Variants in C21orf58 observed in about 807,000 individuals in gnomAD.
C21orf58 encodes the protein uncharacterized protein C21orf58.
Under a neutral mutation model 35.8 loss-of-function variants are expected in C21orf58, and 34 were observed. That is an observed-to-expected ratio of 0.95 (90% CI 0.72 to 1.26). The LOEUF (loss-of-function observed/expected upper bound fraction) is 1.26, where lower values mean the gene tolerates loss of function less well. Ranked by LOEUF, C21orf58 falls within the 50% of genes most tolerant of loss-of-function variation. The pLI is 0.00. For synonymous variants in C21orf58, 191 were observed against 175.8 expected (o/e 1.09, Z -0.68); for missense variants, 440 against 414.3 (o/e 1.06, Z -0.54).
In C21orf58 at chr21:46,302,679, T is replaced by C. The variant is rs1169445960; in HGVS notation, c.722-103A>G. ...CCAGAGAACAGGTGTGTCTGTACACTGTGCAGGTCCCCGGGGCAGGCTCTG... is the reference window on the plus strand; with the variant it reads ...CCAGAGAACAGGTGTGTCTGTACACCGTGCAGGTCCCCGGGGCAGGCTCTG... On this transcript the variant is annotated intron_variant, in intron 6 of 7. Coordinates refer to ENST00000291691, the MANE Select transcript of C21orf58 (RefSeq NM_058180.5). 3 of 900,290 alleles carry C rather than the reference T, an allele frequency of 3.3e-6. 1 individual carries two copies. The highest frequency in any genetic ancestry group is 5.2e-6 in the Non-Finnish European group (3 of 571,472). 55.8% of individuals were successfully genotyped at this position (900,290 alleles called of 1,614,324 possible).
intron 6 of C21orf58, among the ~76,000 whole-genome samples, chr21:46,306,251 G>A (rs1311213458): frequency 1.3e-5 from 2 of 152,046 alleles, no homozygotes; most frequent in African/African-American, 4.8e-5. Flanking sequence ...GCTCACGCCT[G>A]TAATCCCAGC....
intron 1 of C21orf58, chr21:46,322,339 G>A (rs2083195404): frequency 1.8e-6 from 1 of 546,830 alleles, no homozygotes; most frequent in African/African-American, 2.1e-5. Flanking sequence ...AACATTAGCA[G>A]AACCTCTCTA....
At chr21:46,304,020 G>GTTT (rs34586952) in intron 6 of C21orf58, among the ~76,000 whole-genome samples, 27 of 44,604 alleles carry the variant, frequency 6.1e-4, no homozygotes, top group African/African-American at 9.7e-4. Context: ...CAAAGTGCTG[G>GTTT]TTTTTTTTTT....
At chr21:46,304,199 T>A (rs563762018) in intron 6 of C21orf58, among the ~76,000 whole-genome samples, 2 of 150,498 alleles carry the variant, frequency 1.3e-5, no homozygotes, top group South Asian at 4.2e-4. Flanking sequence ...GCTAATTTTG[T>A]TTTTGTATTT....
intron 6 of C21orf58, among the ~76,000 whole-genome samples, chr21:46,306,484 C>T (rs900650151): frequency 3.3e-5 from 5 of 151,964 alleles, no homozygotes; most frequent in African/African-American, 7.3e-5. Context: ...GGCAACAGAG[C>T]GACACTCCCA....
chr21:46,317,605 C>T (rs970250207), intron 2 of C21orf58, among the ~76,000 whole-genome samples: 12 of 152,260 alleles, frequency 7.9e-5, no homozygotes, highest in South Asian at 2.1e-4. Context: ...GATCACCCCC[C>T]ACCTGAACCC....
intron 4 of C21orf58, 28 bp from the exon 5 acceptor site, chr21:46,314,908 C>G: frequency 1.9e-6 from 3 of 1,550,394 alleles, no homozygotes; most frequent in Non-Finnish European, 2.6e-6. Flanking sequence ...AGCTGCTGCA[C>G]ACGGGGACGG....
intron 1 of C21orf58, among the ~76,000 whole-genome samples, chr21:46,319,703 C>A (rs557192619): frequency 6.6e-6 from 1 of 151,924 alleles, no homozygotes; most frequent in African/African-American, 2.4e-5. Flanking sequence ...TCGAGACAAC[C>A]TGGCCAACAT....
At chr21:46,306,619 ACT>A (rs1387194898) in intron 6 of C21orf58, among the ~76,000 whole-genome samples, 1 of 151,988 alleles carries the variant, frequency 6.6e-6, no homozygotes, top group East Asian at 1.9e-4. Flanking sequence ...ACAGGGTTTC[ACT>A]CTCTTGCCCA....
At chr21:46,310,294 T>G (rs149488778) in intron 6 of C21orf58, among the ~76,000 whole-genome samples, 1 of 151,628 alleles carries the variant, frequency 6.6e-6, no homozygotes, top group Admixed American at 6.6e-5. Context: ...CTGGCCAACA[T>G]AGTGAAACCC....
At chr21:46,322,414 CCT>C (rs2083199666) in intron 1 of C21orf58, 7 of 984,560 alleles carry the variant, frequency 7.1e-6, no homozygotes, top group Non-Finnish European at 8.4e-6. Context: ...GGGCACATCC[CCT>C]CAGTCCCACA....
At position 46,318,400 on chromosome 21, in the gene C21orf58, T is replaced by C. The variant is rs1461162297; in HGVS notation, c.101-180A>G. On this transcript the variant is annotated intron_variant, in intron 1 of 7. Transcript: ENST00000291691. ...ACCGGTAAACACTCATCCCCAGGTGTGGCCAGCTGGGCTTCATGGGAAGGC... is the reference window on the plus strand; with the variant it reads ...ACCGGTAAACACTCATCCCCAGGTGCGGCCAGCTGGGCTTCATGGGAAGGC... 2.8e-6 allele frequency: 4 copies of C among 1,432,656 alleles called. No homozygotes were observed. The Admixed American group carries it at 1.1e-4, about 40-fold the overall frequency. 88.7% of individuals were successfully genotyped at this position (1,432,656 alleles called of 1,614,324 possible). A position where few individuals can be genotyped will look rare whatever the true frequency, so the allele number is the denominator to read the frequency against.
chr21:46,302,495 G>T lies in C21orf58; in HGVS notation c.803C>A (p.Pro268Gln). ...LQNWMLKALP[P>Q]ALQDPPHVPP... ...GGGGGCTAAGCCTACCTGCAGGGCT[G>T]GGGGCAGGGCCTTGAGCATCCAGTT... is the stretch of plus-strand genomic sequence containing the variant. The change falls in exon 7 of 8, where the codon CCA becomes CAA. Residue 268 changes from proline (P) to glutamine (Q), a missense_variant. Coordinates refer to ENST00000291691, the MANE Select transcript of C21orf58 (RefSeq NM_058180.5). The T allele has an allele frequency of 6.2e-7, 1 of 1,609,036 alleles. No homozygotes were observed. Among genetic ancestry groups the T allele is most frequent in the Non-Finnish European group, 8.5e-7 (1 of 1,176,812 alleles).
chr21:46,316,759 C>G (rs1183045943), intron 3 of C21orf58, among the ~76,000 whole-genome samples: 3 of 152,226 alleles, frequency 2.0e-5, no homozygotes, highest in Non-Finnish European at 4.4e-5. Context: ...GCTGAGCCCC[C>G]ACAGCTCACA....
At chr21:46,318,963 T>C (rs1002317498) in intron 1 of C21orf58, 6 of 598,004 alleles carry the variant, frequency 1.0e-5, no homozygotes, top group African/African-American at 2.0e-5. Flanking sequence ...GGCCCAGACC[T>C]GTGGACCCGA....
At chr21:46,313,533 T>G (rs1569130782) in intron 5 of C21orf58, among the ~76,000 whole-genome samples, 1 of 152,108 alleles carries the variant, frequency 6.6e-6, no homozygotes, top group African/African-American at 2.4e-5. Flanking sequence ...GGGCTGAGAG[T>G]GAAACCTGCA....
At position 46,301,213 on chromosome 21, in the gene C21orf58, C is replaced by T. The variant is rs2082096004; in HGVS notation, c.*786G>A. The T allele has an allele frequency of 5.0e-6, 2 of 402,148 alleles. No homozygotes were observed. Among genetic ancestry groups the T allele is most frequent in the African/African-American group, 2.2e-5 (1 of 45,920 alleles). 24.9% of individuals were successfully genotyped at this position (402,148 alleles called of 1,614,324 possible). A position where few individuals can be genotyped will look rare whatever the true frequency, so the allele number is the denominator to read the frequency against. Reference sequence around the variant, plus strand: ...CTATAGTGCAGTGGTTCCATCAGAGCTCACTGCAGCTTCTAACTCCTGGGC... The same window carrying T: ...CTATAGTGCAGTGGTTCCATCAGAGTTCACTGCAGCTTCTAACTCCTGGGC... On this transcript the variant is annotated 3_prime_UTR_variant, in exon 8 of 8. Transcript: ENST00000291691.
Position 46,314,771 on chromosome 21 carries a change from G to T in C21orf58, c.554C>A (p.Pro185His), listed in dbSNP as rs754673335. Residue 185 changes from proline (P) to histidine (H), a missense_variant, in exon 5 of 8, where the codon CCC (proline) becomes CAC (histidine). Pro to His is a moderately conservative substitution (Grantham distance 77). Coordinates refer to ENST00000291691, the MANE Select transcript of C21orf58 (RefSeq NM_058180.5). ...PPELPPTGIL[P>H]TASPSPLAPD... ...GGCCAGCGGGGATGGGGAGGCAGTG[G>T]GTAGGATGCCCGTGGGGGGCAGCTC... The T allele has an allele frequency of 9.9e-6, 15 of 1,520,784 alleles. No homozygotes were observed. The highest frequency in any genetic ancestry group is 1.2e-5 in the Non-Finnish European group (14 of 1,127,730). The allele number at this position is 1,520,784 out of a possible 1,614,324, so 94.2% of individuals were successfully genotyped here.
At position 46,322,878 on chromosome 21, in the gene C21orf58, G is replaced by GC; in HGVS notation, c.-141dup. 1.8e-6 allele frequency: 1 copy of GC among 550,394 alleles called. No individual in the cohort carries two copies. 34.1% of individuals were successfully genotyped at this position (550,394 alleles called of 1,614,324 possible). On this transcript the variant is annotated 5_prime_UTR_variant, in exon 1 of 8. It introduces an in-frame stop codon into an upstream open reading frame of the 5' UTR. Transcript: ENST00000291691. ...CAAGGTGAGCTTGCGTCAGCGAGGA[G>GC]CCACTCCAGCACGCTCGGGAAGGGC...
Sources: gnomAD v4.1 joint callset for allele counts (sites outside exome capture counted in the v4.1 genomes callset) on GRCh38, gnomAD v4.1.1 for gene constraint, MANE v1.5 for transcripts, NCBI Gene and HGNC (gene_info 2026-07-23, HGNC 2026-07-21) for gene names.